FAM184B: variants seen among roughly 807,000 people sequenced by gnomAD.
FAM184B encodes protein FAM184B.
Under a neutral mutation model 135.9 loss-of-function variants are expected in FAM184B, and 111 were observed. The ratio of observed to expected loss-of-function variants is 0.82; its 90% confidence interval spans 0.70 to 0.96. The LOEUF is 0.96. Among genes scored for constraint, FAM184B ranks in the 40% least tolerant of loss-of-function variants. The probability of loss-of-function intolerance (pLI) is 0.00; values close to 1 mark genes in which losing one functional copy is unlikely to be tolerated. For missense variants in FAM184B, 1,375 were observed against 1,323.9 expected, an observed-to-expected ratio of 1.04 and a Z score of -0.60; for synonymous variants, 552 against 524.8, an observed-to-expected ratio of 1.05 and a Z score of -0.71.
chr4:17,680,817 A>T (rs768959913), intron 7 of FAM184B, among the ~76,000 whole-genome samples: 1 of 152,158 alleles, frequency 6.6e-6, no homozygotes, highest in Non-Finnish European at 1.5e-5. Context: ...CTCATCTTTC[A>T]TCTTCCAGTT....
intron 2 of FAM184B, among the ~76,000 whole-genome samples, 155 bp downstream of exon 2, chr4:17,708,737 T>TGTGTGTGTAATGA (rs1477909257): frequency 7.5e-6 from 1 of 132,926 alleles, no homozygotes; most frequent in Non-Finnish European, 1.6e-5. Context: ...TGTGTGTGTG[T>TGTGTGTGTAATGA]GTGTGTAATG....
At chr4:17,686,076 C>A (rs1716579392) in intron 7 of FAM184B, among the ~76,000 whole-genome samples, 1 of 152,194 alleles carries the variant, frequency 6.6e-6, no homozygotes, top group Admixed American at 6.5e-5. Context: ...CATCTCCCTG[C>A]CACAGTCACT....
At chr4:17,776,477 C>T (rs1196133533) in intron 1 of FAM184B, among the ~76,000 whole-genome samples, 2 of 152,218 alleles carry the variant, frequency 1.3e-5, no homozygotes, top group African/African-American at 2.4e-5. Context: ...CAACCTCCGC[C>T]TCTCGGGTTC....
intron 1 of FAM184B, among the ~76,000 whole-genome samples, chr4:17,754,786 TAAAC>T (rs1387465524): frequency 6.6e-6 from 1 of 151,586 alleles, no homozygotes; most frequent in Non-Finnish European, 1.5e-5. Context: ...TATTATGAAA[TAAAC>T]AAGTAATCAG....
At chr4:17,636,754 G>A (rs1348148005) in intron 14 of FAM184B, 109 bp from the exon 15 acceptor site, 37 of 960,012 alleles carry the variant, frequency 3.9e-5, no homozygotes, top group Non-Finnish European at 3.2e-5. Context: ...CCCGGCCAGG[G>A]AGGCCCAGAT....
At chr4:17,721,383 C>CAAAAAAAAAAAAGA (rs1717523628) in intron 1 of FAM184B, among the ~76,000 whole-genome samples, 1 of 47,384 alleles carries the variant, frequency 2.1e-5, no homozygotes, top group Non-Finnish European at 4.0e-5. Context: ...GATTCTGTCT[C>CAAAAAAAAAAAAGA]AAAAAAAAAA....
chr4:17,760,715 C>T (rs1718526152), intron 1 of FAM184B, among the ~76,000 whole-genome samples: 1 of 152,140 alleles, frequency 6.6e-6, no homozygotes, highest in Non-Finnish European at 1.5e-5. Flanking sequence ...CCTAAAAGAT[C>T]TCGGGGAAAA....
At chr4:17,691,218 T>C (rs575626433) in intron 6 of FAM184B, among the ~76,000 whole-genome samples, 1 of 152,288 alleles carries the variant, frequency 6.6e-6, no homozygotes, top group African/African-American at 2.4e-5. Context: ...CTATGCAATG[T>C]TGGGAAAGTG....
Position 17,632,535 on chromosome 4 carries a change from GA to G in FAM184B, c.3179del (p.Phe1060SerfsTer23). 1 of 1,549,442 alleles carries G rather than the reference GA, an allele frequency of 6.5e-7. No homozygotes were observed. On this transcript the variant is annotated frameshift_variant, in exon 18 of 18. Coordinates refer to ENST00000265018, the MANE Select transcript of FAM184B (RefSeq NM_015688.2). LOFTEE classifies it high-confidence loss of function. ...HQEWFTKYFS[F>X] is the part of the protein sequence containing the mutation. ...GTGATGTATCCCAAAGGTTAGCTTAGAAAGAAAAGTACTTGGTGAACCATTC... is the reference window on the plus strand; with the variant it reads ...GTGATGTATCCCAAAGGTTAGCTTAGAAGAAAAGTACTTGGTGAACCATTC...
Position 17,708,685 on chromosome 4 carries a change from A to ATATATAT in FAM184B, c.894+200_894+206dup, listed in dbSNP as rs1717171952. ...AAACTATATATATATATATATATAT[A>ATATATAT]TATATATATATATATATATATATAG... is the stretch of plus-strand genomic sequence containing the variant. On this transcript the variant is annotated intron_variant, in intron 2 of 17. Coordinates refer to ENST00000265018, the MANE Select transcript of FAM184B (RefSeq NM_015688.2). Among the ~76,000 whole-genome samples, 5 of 48,266 alleles carry ATATATAT rather than the reference A, an allele frequency of 1.0e-4. No homozygotes were observed. In the South Asian group the frequency reaches 4.0e-3, roughly 38 times the overall value. 31.7% of individuals were successfully genotyped at this position (48,266 alleles called of 152,430 possible). A position where few individuals can be genotyped will look rare whatever the true frequency, so the allele number is the denominator to read the frequency against.
At chr4:17,720,670 G>A (rs906731563) in intron 1 of FAM184B, among the ~76,000 whole-genome samples, 5 of 151,766 alleles carry the variant, frequency 3.3e-5, no homozygotes, top group Non-Finnish European at 4.4e-5. Context: ...GGCAGATCAT[G>A]AGGTCAGGAG....
chr4:17,720,565 G>A (rs976591051), intron 1 of FAM184B, among the ~76,000 whole-genome samples: 1 of 152,090 alleles, frequency 6.6e-6, no homozygotes, highest in Admixed American at 6.5e-5. Context: ...TGTAGCCACT[G>A]TGGAAAACAG....
intron 1 of FAM184B, among the ~76,000 whole-genome samples, chr4:17,760,370 A>G (rs1010913064): frequency 2.0e-5 from 3 of 151,808 alleles, no homozygotes; most frequent in Non-Finnish European, 2.9e-5. Context: ...TTGCTGAGGC[A>G]GGAGAATTGC....
intron 6 of FAM184B, 61 bp from the exon 7 acceptor site, chr4:17,688,592 C>A: frequency 1.7e-6 from 2 of 1,191,616 alleles, no homozygotes; most frequent in African/African-American, 1.6e-5. Context: ...TCGATACAGT[C>A]ATTCATCCGG....
At chr4:17,638,474 T>G (rs1167456319) in intron 14 of FAM184B, among the ~76,000 whole-genome samples, 1 of 151,980 alleles carries the variant, frequency 6.6e-6, no homozygotes, top group Admixed American at 6.6e-5. Flanking sequence ...AGTGCTAGGA[T>G]TACAGGCATG....
chr4:17,646,664 G>A (rs572645668), intron 12 of FAM184B, among the ~76,000 whole-genome samples: 84 of 151,986 alleles, frequency 5.5e-4, no homozygotes, highest in Non-Finnish European at 9.1e-4. Flanking sequence ...CACCAACATG[G>A]CACATGCACA....
At chr4:17,762,343 C>T (rs1021960023) in intron 1 of FAM184B, among the ~76,000 whole-genome samples, 4 of 152,308 alleles carry the variant, frequency 2.6e-5, no homozygotes, top group African/African-American at 4.8e-5. Context: ...AATTCAATGA[C>T]TTACAATAAG....
At chr4:17,694,855 G>A (rs1490084158) in intron 5 of FAM184B, among the ~76,000 whole-genome samples, 2 of 152,146 alleles carry the variant, frequency 1.3e-5, no homozygotes, top group Non-Finnish European at 2.9e-5. Context: ...CTGGGAGGGG[G>A]CTCTGCAGTG....
Position 17,636,557 on chromosome 4 carries a change from C to T in FAM184B, c.2755G>A (p.Glu919Lys), listed in dbSNP as rs1577239921. Residue 919 changes from glutamate (E) to lysine (K), a missense_variant, in exon 15 of 18, where the codon GAG (glutamate) becomes AAG (lysine). Transcript: ENST00000265018. Reference sequence around the variant, plus strand: ...AGCTGCTTGATGATGTCCTCTCTCTCCTTCAGGCGGGTCTGCAGGCGGCCA... The same window carrying T: ...AGCTGCTTGATGATGTCCTCTCTCTTCTTCAGGCGGGTCTGCAGGCGGCCA... ...LIGRLQTRLK[E>K]REDIIKQLTE... 6.4e-7 allele frequency: 1 copy of T among 1,551,102 alleles called. No individual in the cohort carries two copies. Among genetic ancestry groups the T allele is most frequent in the African/African-American group, 1.4e-5 (1 of 73,152 alleles).
Sources: gnomAD v4.1 joint callset for allele counts (sites outside exome capture counted in the v4.1 genomes callset) on GRCh38, gnomAD v4.1.1 for gene constraint, MANE v1.5 for transcripts, NCBI Gene and HGNC (gene_info 2026-07-23, HGNC 2026-07-21) for gene names.